Variants in PPP2R2B observed in about 807,000 individuals in gnomAD.
PPP2R2B encodes serine/threonine-protein phosphatase 2A 55 kDa regulatory subunit B beta isoform.
In PPP2R2B, 5 loss-of-function variants were observed where a neutral mutation model predicts 46.0. That is an observed-to-expected ratio of 0.11 (90% CI 0.06 to 0.23). PPP2R2B has a LOEUF of 0.23. PPP2R2B is among the 10% of genes least tolerant of loss of function. The probability of loss-of-function intolerance (pLI) is 1.00; values close to 1 mark genes in which losing one functional copy is unlikely to be tolerated. For synonymous variants in PPP2R2B, 215 were observed against 206.7 expected (o/e 1.04, Z -0.34); for missense variants, 367 against 575.0 (o/e 0.64, Z 3.70).
At position 146,812,797 on chromosome 5, in the gene PPP2R2B, A is replaced by ATG. The variant is rs1561927603; in HGVS notation, c.70+65204_70+65205insCA. Among the ~76,000 whole-genome samples, 114 of 42,718 alleles carry ATG rather than the reference A, an allele frequency of 2.7e-3. 7 individuals are homozygous for ATG. The highest frequency in any genetic ancestry group is 0.011 in the African/African-American group (107 of 9,446). 28.0% of individuals were successfully genotyped at this position (42,718 alleles called of 152,430 possible). On this transcript the variant is annotated intron_variant, in intron 2 of 9. Transcript: ENST00000394411. ...TGTGTGTGTGTGTATATGTGTGTAT[A>ATG]TATATATATATATATATATATATAT...
At chr5:147,067,849 G>A (rs1561610732) in intron 2 of PPP2R2B, among the ~76,000 whole-genome samples, 1 of 152,126 alleles carries the variant, frequency 6.6e-6, no homozygotes, top group Non-Finnish European at 1.5e-5. Context: ...CTAATTAATT[G>A]TTCATGTTTG....
chr5:146,686,632 C>T (rs924489046), intron 5 of PPP2R2B, among the ~76,000 whole-genome samples: 2 of 152,088 alleles, frequency 1.3e-5, no homozygotes, highest in Admixed American at 6.6e-5. Context: ...ATCACATCAC[C>T]TTCATTTTGG....
intron 2 of PPP2R2B, among the ~76,000 whole-genome samples, chr5:146,869,940 C>A (rs1351725356): frequency 6.6e-6 from 1 of 152,018 alleles, no homozygotes; most frequent in Non-Finnish European, 1.5e-5. Context: ...GTGGTAGGGT[C>A]CTTCCTGGTG....
At chr5:146,777,969 A>C (rs1755290798) in intron 2 of PPP2R2B, among the ~76,000 whole-genome samples, 1 of 152,210 alleles carries the variant, frequency 6.6e-6, no homozygotes, top group Non-Finnish European at 1.5e-5. Flanking sequence ...CAGCAGGGAA[A>C]TTGTAGAAGG....
intron 2 of PPP2R2B, among the ~76,000 whole-genome samples, chr5:146,817,136 T>TA (rs1757976580): frequency 1.3e-5 from 2 of 152,178 alleles, no homozygotes; most frequent in Admixed American, 1.3e-4. Context: ...CAATTCATGT[T>TA]GCTACATTTG....
intron 2 of PPP2R2B, among the ~76,000 whole-genome samples, chr5:146,779,433 TC>T (rs1755377243): frequency 6.6e-6 from 1 of 152,102 alleles, no homozygotes; most frequent in African/African-American, 2.4e-5. Context: ...AGCCTTGACA[TC>T]CCACACTGCA....
intron 1 of PPP2R2B, among the ~76,000 whole-genome samples, chr5:146,934,794 T>C (rs909665575): frequency 1.3e-5 from 2 of 151,460 alleles, no homozygotes; most frequent in Non-Finnish European, 2.9e-5. Context: ...GTTGCTGAGG[T>C]GAACAAGGAC....
intron 2 of PPP2R2B, among the ~76,000 whole-genome samples, chr5:146,840,258 C>T (rs1406203602): frequency 6.6e-6 from 1 of 152,070 alleles, no homozygotes; most frequent in East Asian, 1.9e-4. Flanking sequence ...TTGAGTGACT[C>T]CTCTGTGCCA....
At chr5:146,887,757 C>T (rs1762375553) in intron 1 of PPP2R2B, among the ~76,000 whole-genome samples, 1 of 152,058 alleles carries the variant, frequency 6.6e-6, no homozygotes, top group Admixed American at 6.6e-5. Context: ...GATGTCACTG[C>T]CAAAAGGGCA....
intron 2 of PPP2R2B, among the ~76,000 whole-genome samples, chr5:146,783,689 G>T (rs963968989): frequency 1.3e-5 from 2 of 152,176 alleles, no homozygotes; most frequent in African/African-American, 4.8e-5. Context: ...ATGGTCAACA[G>T]ATACAAGATT....
At chr5:146,976,951 A>G (rs1438070136) in intron 1 of PPP2R2B, among the ~76,000 whole-genome samples, 1 of 152,164 alleles carries the variant, frequency 6.6e-6, no homozygotes, top group Non-Finnish European at 1.5e-5. Context: ...GTATTTGGAT[A>G]TTTCTCTCTA....
chr5:146,839,346 C>T (rs1296698957), intron 2 of PPP2R2B, among the ~76,000 whole-genome samples: 1 of 152,104 alleles, frequency 6.6e-6, no homozygotes, highest in East Asian at 1.9e-4. Flanking sequence ...CGTGGTGAAA[C>T]CTTGTCTTTA....
Position 146,583,445 on chromosome 5 carries a change from A to C in PPP2R2B, c.*6502T>G, listed in dbSNP as rs190540531. On this transcript the variant is annotated 3_prime_UTR_variant, in exon 10 of 10. Coordinates refer to ENST00000394411, the MANE Select transcript of PPP2R2B (RefSeq NM_181675.4). Reference sequence around the variant, plus strand: ...TCCTTATCTCATAATGAGAAAATCGAGGCACAGAGAGGTTGTCATTTTTCT... The same window carrying C: ...TCCTTATCTCATAATGAGAAAATCGCGGCACAGAGAGGTTGTCATTTTTCT... The C allele has an allele frequency of 3.0e-4, 46 of 152,296 alleles. No individual in the cohort carries two copies. The highest frequency in any genetic ancestry group is 1.1e-3 in the African/African-American group (45 of 41,576). 9.4% of individuals were successfully genotyped at this position (152,296 alleles called of 1,614,324 possible). A position where few individuals can be genotyped will look rare whatever the true frequency, so the allele number is the denominator to read the frequency against.
chr5:147,046,046 T>C (rs2151899602), intron 1 of PPP2R2B, among the ~76,000 whole-genome samples: 1 of 152,232 alleles, frequency 6.6e-6, no homozygotes, highest in Non-Finnish European at 1.5e-5. Context: ...TTTGTCACAG[T>C]TTACATTAAT....
intron 1 of PPP2R2B, among the ~76,000 whole-genome samples, chr5:146,952,148 T>C (rs1203890965): frequency 6.6e-6 from 1 of 152,060 alleles, no homozygotes; most frequent in Non-Finnish European, 1.5e-5. Context: ...ATCTTCAATA[T>C]CTTCCCATGG....
chr5:146,725,516 T>A (rs1370785727), intron 2 of PPP2R2B, among the ~76,000 whole-genome samples: 1 of 152,218 alleles, frequency 6.6e-6, no homozygotes, highest in Non-Finnish European at 1.5e-5. Flanking sequence ...ATAATCTTAA[T>A]TCTTCTATAA....
At position 146,587,198 on chromosome 5, in the gene PPP2R2B, G is replaced by C. The variant is rs1046818838; in HGVS notation, c.*2749C>G. 3 of 152,202 alleles carry C rather than the reference G, an allele frequency of 2.0e-5. No individual in the cohort carries two copies. Among genetic ancestry groups the C allele is most frequent in the Non-Finnish European group, 2.9e-5 (2 of 68,034 alleles). 9.4% of individuals were successfully genotyped at this position (152,202 alleles called of 1,614,324 possible). A position where few individuals can be genotyped will look rare whatever the true frequency, so the allele number is the denominator to read the frequency against. On this transcript the variant is annotated 3_prime_UTR_variant, in exon 10 of 10. Transcript: ENST00000394411. ...CTAACTAAGAAATATTGCCAGTACTGGGGCTGAAAGATCACACATGTAAAA... is the reference window on the plus strand; with the variant it reads ...CTAACTAAGAAATATTGCCAGTACTCGGGCTGAAAGATCACACATGTAAAA...
At chr5:146,928,065 G>A (rs1763841239) in intron 1 of PPP2R2B, among the ~76,000 whole-genome samples, 1 of 152,138 alleles carries the variant, frequency 6.6e-6, no homozygotes, top group African/African-American at 2.4e-5. Flanking sequence ...AAGCTGAAAT[G>A]TATAATTCAT....
At chr5:146,782,550 T>A (rs190449209) in intron 2 of PPP2R2B, among the ~76,000 whole-genome samples, 3 of 152,300 alleles carry the variant, frequency 2.0e-5, no homozygotes, top group African/African-American at 7.2e-5. Context: ...TATTAGCAAA[T>A]TTTTCTGTTT....
Sources: gnomAD v4.1 joint callset for allele counts (sites outside exome capture counted in the v4.1 genomes callset) on GRCh38, gnomAD v4.1.1 for gene constraint, MANE v1.5 for transcripts, NCBI Gene and HGNC (gene_info 2026-07-23, HGNC 2026-07-21) for gene names.